Variants in SRBD1 observed in about 807,000 individuals in gnomAD.
The protein encoded by SRBD1 is S1 RNA binding domain 1, also known as S1 RNA-binding domain-containing protein 1.
In SRBD1, 88 loss-of-function variants were observed where a neutral mutation model predicts 115.3. The observed-to-expected ratio is 0.76, with a 90% CI of 0.64 to 0.91. SRBD1 has a LOEUF of 0.91. Ranked by LOEUF, SRBD1 falls within the 40% of genes least tolerant of loss-of-function variation. The pLI is 0.00. For missense variants in SRBD1, 1,385 were observed against 1,177.4 expected, an observed-to-expected ratio of 1.18 and a Z score of -2.58; for synonymous variants, 509 against 407.7, an observed-to-expected ratio of 1.25 and a Z score of -2.99.
At chr2:45,447,946 A>AATAAATAT (rs1668877577) in intron 16 of SRBD1, 1 of 152,202 alleles carries the variant, frequency 6.6e-6, no homozygotes, top group Admixed American at 6.5e-5. Flanking sequence ...TTAAAATAAC[A>AATAAATAT]TGGCTTATTG....
At chr2:45,479,553 T>C (rs1669900780) in intron 15 of SRBD1, among the ~76,000 whole-genome samples, 1 of 152,214 alleles carries the variant, frequency 6.6e-6, no homozygotes, top group South Asian at 2.1e-4. Context: ...CTAACTCTCT[T>C]CAATTCCATG....
At chr2:45,497,620 G>C (rs1670498773) in intron 14 of SRBD1, among the ~76,000 whole-genome samples, 2 of 152,096 alleles carry the variant, frequency 1.3e-5, no homozygotes, top group South Asian at 4.2e-4. Flanking sequence ...CACTTTTTAA[G>C]GTTTGCTGAG....
rs552852047 is a variant in SRBD1, at chr2:45,531,910, T to C, written c.1874+14822A>G. On this transcript the variant is annotated intron_variant, in intron 14 of 20. Transcript: ENST00000263736. ...TTAAACTGGTTGAACAATCTCTGAA[T>C]AAGATACTGACACTGCCTGTTATTC... 2.5e-4 allele frequency among the ~76,000 whole-genome samples: 38 copies of C among 152,010 alleles called. No individual in the cohort carries two copies. In the South Asian group the frequency reaches 4.1e-3, roughly 17 times the overall value.
chr2:45,411,901 A>C (rs1475996747), intron 19 of SRBD1, among the ~76,000 whole-genome samples: 1 of 152,164 alleles, frequency 6.6e-6, no homozygotes, highest in Non-Finnish European at 1.5e-5. Context: ...ACTTGAGTCC[A>C]GGAGTTTGAA....
chr2:45,545,315 A>AAAAAAAAAAAAAAAC lies in SRBD1; in HGVS notation c.1874+1416_1874+1417insGTTTTTTTTTTTTTT, dbSNP rs1209226372. The stretch of plus-strand genomic sequence containing the variant: ...AAAAAAAAAAAAAAAAAAAAAAAAA[A>AAAAAAAAAAAAAAAC]CAGATGAACCCAGATTTGTCTGACC... On this transcript the variant is annotated intron_variant, in intron 14 of 20. Coordinates refer to ENST00000263736, the MANE Select transcript of SRBD1 (RefSeq NM_018079.5). Among the ~76,000 whole-genome samples, 5 of 123,616 alleles carry AAAAAAAAAAAAAAAC rather than the reference A, an allele frequency of 4.0e-5. 1 individual carries two copies. Among genetic ancestry groups the AAAAAAAAAAAAAAAC allele is most frequent in the Admixed American group, 2.7e-4 (3 of 11,134 alleles). The allele number at this position is 123,616 out of a possible 152,430, so 81.1% of individuals were successfully genotyped here.
chr2:45,412,176 CAGAT>C (rs959418427), intron 19 of SRBD1, among the ~76,000 whole-genome samples: 11 of 152,048 alleles, frequency 7.2e-5, no homozygotes, highest in Middle Eastern at 3.4e-3. Context: ...TGTGGAAAAA[CAGAT>C]AGAATAAAAT....
intron 9 of SRBD1, among the ~76,000 whole-genome samples, chr2:45,572,291 T>TA (rs1673043044): frequency 6.6e-6 from 1 of 152,028 alleles, no homozygotes; most frequent in South Asian, 2.1e-4. Context: ...AAACTCTCTA[T>TA]AAAAAAATGA....
At chr2:45,489,200 C>T (rs1670215917) in intron 14 of SRBD1, among the ~76,000 whole-genome samples, 2 of 152,194 alleles carry the variant, frequency 1.3e-5, no homozygotes, top group Admixed American at 1.3e-4. Context: ...ATACACAATA[C>T]ATGTGGCTCT....
intron 14 of SRBD1, among the ~76,000 whole-genome samples, chr2:45,508,768 T>C (rs981556144): frequency 2.0e-5 from 3 of 152,222 alleles, no homozygotes; most frequent in African/African-American, 7.2e-5. Context: ...ATTTCTTCTT[T>C]ATGAGCAATT....
intron 7 of SRBD1, among the ~76,000 whole-genome samples, chr2:45,577,683 G>C (rs150197634): frequency 4.7e-4 from 71 of 152,112 alleles, no homozygotes; most frequent in African/African-American, 1.6e-3. Flanking sequence ...GAACTATCTG[G>C]TTTCTTAAAT....
intron 7 of SRBD1, among the ~76,000 whole-genome samples, chr2:45,576,148 T>C (rs1026121867): frequency 3.3e-5 from 5 of 152,204 alleles, no homozygotes; most frequent in African/African-American, 1.2e-4. Flanking sequence ...CTTTTTCTCG[T>C]CAGCCTATTC....
chr2:45,405,155 CTG>C (rs1457377141), intron 19 of SRBD1, among the ~76,000 whole-genome samples: 1 of 152,126 alleles, frequency 6.6e-6, no homozygotes, highest in Non-Finnish European at 1.5e-5. Flanking sequence ...TGGTTGTATA[CTG>C]TGTCTCTTTG....
chr2:45,441,964 T>A (rs986830376), intron 16 of SRBD1, among the ~76,000 whole-genome samples: 2 of 152,192 alleles, frequency 1.3e-5, no homozygotes, highest in Non-Finnish European at 2.9e-5. Flanking sequence ...AGAGTTCCTG[T>A]TAACTCACAC....
chr2:45,476,930 A>C lies in SRBD1; in HGVS notation c.2049+63T>G. 6 of 1,440,348 alleles carry C rather than the reference A, an allele frequency of 4.2e-6. No homozygotes were observed. The South Asian group carries it at 7.0e-5, about 17-fold the overall frequency. 89.2% of individuals were successfully genotyped at this position (1,440,348 alleles called of 1,614,324 possible). A position where few individuals can be genotyped will look rare whatever the true frequency, so the allele number is the denominator to read the frequency against. On this transcript the variant is annotated intron_variant, in intron 16 of 20. Coordinates refer to ENST00000263736, the MANE Select transcript of SRBD1 (RefSeq NM_018079.5). ...CCCACAGACACTTAATTACTATCCC[A>C]GGTTTGAGTACTGCTCCTTGTATTG...
At chr2:45,414,604 GTATAGTGTGTGTACACACATAGTGTGTA>G (rs1558563007) in intron 18 of SRBD1, among the ~76,000 whole-genome samples, 2 of 143,118 alleles carry the variant, frequency 1.4e-5, no homozygotes, top group African/African-American at 5.3e-5. Context: ...CACATAGTGT[GTATAGTGTGTGTACACACATAGTGTGTA>G]TATAGTGTGT....
chr2:45,598,308 T>A (rs1181520941), intron 4 of SRBD1, among the ~76,000 whole-genome samples: 1 of 151,402 alleles, frequency 6.6e-6, no homozygotes, highest in African/African-American at 2.4e-5. Context: ...AGAAGAAAAA[T>A]CATGATTAAA....
intron 14 of SRBD1, among the ~76,000 whole-genome samples, chr2:45,526,817 G>C (rs1199172107): frequency 6.6e-6 from 1 of 151,752 alleles, no homozygotes; most frequent in Non-Finnish European, 1.5e-5. Context: ...TCAAGTTATA[G>C]AAGATTAGGA....
Position 45,602,072 on chromosome 2 carries a change from G to C in SRBD1, c.92C>G (p.Ser31Cys). Residue 31 changes from serine (S) to cysteine (C), a missense_variant, in exon 3 of 21, where the codon TCT (serine) becomes TGT (cysteine). Ser to Cys is a moderately radical substitution (Grantham distance 112). Transcript: ENST00000263736. ...ACTATCTTCCTTGTCATCTTCTTCA[G>C]AGGCAGATGATCTAGAAGTAAATCA... ...FSSFSELSSA[S>C]EEDDKEDSAW... 5 of 1,613,392 alleles carry C rather than the reference G, an allele frequency of 3.1e-6. No homozygotes were observed. Among genetic ancestry groups the C allele is most frequent in the Non-Finnish European group, 4.2e-6 (5 of 1,179,734 alleles).
chr2:45,406,627 T>C (rs1667445679), intron 19 of SRBD1, among the ~76,000 whole-genome samples: 1 of 152,256 alleles, frequency 6.6e-6, no homozygotes, highest in African/African-American at 2.4e-5. Context: ...ATGCCTCATA[T>C]AAAAAACATG....
Sources: allele counts gnomAD v4.1 joint callset (sites outside exome capture counted in the v4.1 genomes callset), GRCh38; gene constraint gnomAD v4.1.1; transcripts MANE v1.5; gene names NCBI Gene and HGNC (gene_info 2026-07-23, HGNC 2026-07-21).